Variants in HS2ST1 observed in about 807,000 individuals in gnomAD.
HS2ST1 encodes 2-O-sulfotransferase.
Under a neutral mutation model 42.9 loss-of-function variants are expected in HS2ST1, and 18 were observed. That is an observed-to-expected ratio of 0.42 (90% CI 0.29 to 0.62). The LOEUF (loss-of-function observed/expected upper bound fraction) is 0.62. Among genes scored for constraint, HS2ST1 ranks in the 20% least tolerant of loss-of-function variants. HS2ST1 has a pLI of 0.21. For synonymous variants in HS2ST1, 146 were observed against 152.9 expected (o/e 0.95, Z 0.33); for missense variants, 334 against 433.8 (o/e 0.77, Z 2.04).
At chr1:86,928,109 C>A (rs1660460130) in intron 1 of HS2ST1, among the ~76,000 whole-genome samples, 2 of 151,996 alleles carry the variant, frequency 1.3e-5, no homozygotes, top group Admixed American at 1.3e-4. Flanking sequence ...TGCTGCAAAC[C>A]TGAATTTTTA....
chr1:87,078,037 G>A (rs1315610254), intron 2 of HS2ST1, among the ~76,000 whole-genome samples: 1 of 152,194 alleles, frequency 6.6e-6, no homozygotes, highest in East Asian at 1.9e-4. Context: ...TCTCATAAAA[G>A]TACCCACAGC....
At chr1:86,977,149 C>T (rs1193907416) in intron 1 of HS2ST1, among the ~76,000 whole-genome samples, 3 of 152,082 alleles carry the variant, frequency 2.0e-5, no homozygotes, top group Non-Finnish European at 2.9e-5. Flanking sequence ...CATTAAATTT[C>T]TTAAAAGGAA....
In HS2ST1 at chr1:87,068,046, C is replaced by T. The variant is rs561353081; in HGVS notation, c.125-4888C>T. 8.5e-5 allele frequency among the ~76,000 whole-genome samples: 13 copies of T among 152,126 alleles called. No individual in the cohort carries two copies. In the South Asian group the frequency reaches 1.0e-3, roughly 12 times the overall value. On this transcript the variant is annotated intron_variant, in intron 1 of 6. Transcript: ENST00000370550. The stretch of plus-strand genomic sequence containing the variant: ...TTTGTTTAGGATTGTCTTGGCTATG[C>T]GGGGTCTTTTTTGGTTCCATATGAA...
intron 1 of HS2ST1, among the ~76,000 whole-genome samples, chr1:86,992,026 G>A (rs1003594437): frequency 4.7e-4 from 71 of 152,054 alleles, no homozygotes; most frequent in Non-Finnish European, 6.5e-4. Flanking sequence ...TCTGCCTCCC[G>A]TCAGATCAGT....
chr1:87,022,019 A>G (rs1649966617), intron 1 of HS2ST1, among the ~76,000 whole-genome samples: 1 of 152,252 alleles, frequency 6.6e-6, no homozygotes, highest in East Asian at 1.9e-4. Context: ...TGGAGGTATC[A>G]GGTATACTGT....
At chr1:87,014,981 C>G (rs1649708343) in intron 1 of HS2ST1, among the ~76,000 whole-genome samples, 2 of 152,170 alleles carry the variant, frequency 1.3e-5, no homozygotes, top group South Asian at 4.1e-4. Flanking sequence ...GAACCTTTCT[C>G]AGTTTGTTAT....
chr1:86,982,675 C>T (rs938737625), intron 1 of HS2ST1, among the ~76,000 whole-genome samples: 9 of 151,994 alleles, frequency 5.9e-5, no homozygotes, highest in South Asian at 2.1e-4. Flanking sequence ...CCACCACGCC[C>T]GGCTAATTTT....
intron 5 of HS2ST1, chr1:87,098,185 T>C: frequency 9.1e-7 from 1 of 1,104,116 alleles, no homozygotes; most frequent in Non-Finnish European, 1.1e-6. Context: ...ATTTTTGGTG[T>C]TATGTTTTGC....
chr1:87,001,137 T>G (rs1195597679), intron 1 of HS2ST1, among the ~76,000 whole-genome samples: 2 of 152,192 alleles, frequency 1.3e-5, no homozygotes, highest in Non-Finnish European at 2.9e-5. Context: ...TTTAAAATCT[T>G]TATTTTTCCA....
At chr1:87,006,952 A>G (rs1178831315) in intron 1 of HS2ST1, among the ~76,000 whole-genome samples, 1 of 152,054 alleles carries the variant, frequency 6.6e-6, no homozygotes, top group African/African-American at 2.4e-5. Flanking sequence ...TCTCTACAGA[A>G]TGGAGTGAGT....
At chr1:86,948,110 T>C (rs2102182935) in intron 1 of HS2ST1, among the ~76,000 whole-genome samples, 1 of 146,394 alleles carries the variant, frequency 6.8e-6, no homozygotes, top group South Asian at 2.1e-4. Flanking sequence ...TGAAGACTTC[T>C]CAAAGCTCCA....
chr1:87,052,630 G>A lies in HS2ST1; in HGVS notation c.125-20304G>A, dbSNP rs1650865651. Among the ~76,000 whole-genome samples the A allele has an allele frequency of 2.0e-5, 3 of 152,258 alleles. No homozygotes were observed. The South Asian group carries it at 6.2e-4, about 32-fold the overall frequency. On this transcript the variant is annotated intron_variant, in intron 1 of 6. Transcript: ENST00000370550. ...ACTAGCCTTAGGAGACGTAGTGGTT[G>A]GTGGCGAGCAGTGAGGAAGATGGGA...
At chr1:86,975,682 T>G (rs2102214314) in intron 1 of HS2ST1, among the ~76,000 whole-genome samples, 1 of 152,264 alleles carries the variant, frequency 6.6e-6, no homozygotes, top group East Asian at 1.9e-4. Context: ...TTTTACAGTT[T>G]AAGGCATTGT....
intron 1 of HS2ST1, among the ~76,000 whole-genome samples, chr1:86,970,125 CA>C (rs570323321): frequency 0.17 from 17,093 of 99,152 alleles, 994 homozygotes; most frequent in African/African-American, 0.23. Flanking sequence ...AACTCCATCT[CA>C]AAAAAAAAAA....
chr1:87,006,796 CATAAG>C (rs1649451736), intron 1 of HS2ST1, among the ~76,000 whole-genome samples: 1 of 152,030 alleles, frequency 6.6e-6, no homozygotes, highest in African/African-American at 2.4e-5. Context: ...TATTTGCTAA[CATAAG>C]ATAATAGCTT....
intron 1 of HS2ST1, among the ~76,000 whole-genome samples, chr1:86,918,001 A>T (rs1660201114): frequency 6.6e-6 from 1 of 152,224 alleles, no homozygotes; most frequent in Non-Finnish European, 1.5e-5. Context: ...TTTTGGCATA[A>T]AAAACCTATT....
At chr1:86,953,203 TC>T (rs1371900485) in intron 1 of HS2ST1, among the ~76,000 whole-genome samples, 1 of 152,218 alleles carries the variant, frequency 6.6e-6, no homozygotes, top group Admixed American at 6.5e-5. Context: ...CTCTCAGCCT[TC>T]TTGGAATTGA....
intron 1 of HS2ST1, among the ~76,000 whole-genome samples, chr1:87,017,833 T>A (rs988756618): frequency 1.6e-4 from 24 of 152,198 alleles, no homozygotes; most frequent in African/African-American, 4.8e-4. Flanking sequence ...TTCTTCTGGC[T>A]TAGCCTATGT....
At chr1:86,994,726 A>G (rs1649049881) in intron 1 of HS2ST1, among the ~76,000 whole-genome samples, 1 of 152,174 alleles carries the variant, frequency 6.6e-6, no homozygotes, top group East Asian at 1.9e-4. Flanking sequence ...CTTATTACAG[A>G]ATGAAAACTA....
Sources: gnomAD v4.1 joint callset for allele counts (sites outside exome capture counted in the v4.1 genomes callset) on GRCh38, gnomAD v4.1.1 for gene constraint, MANE v1.5 for transcripts, NCBI Gene and HGNC (gene_info 2026-07-23, HGNC 2026-07-21) for gene names.